STEEP1: variants seen among roughly 807,000 people sequenced by gnomAD.
The protein encoded by STEEP1 is STING1 ER exit protein 1, also known as STING ER exit protein.
In STEEP1, 3 loss-of-function variants were observed where a neutral mutation model predicts 19.2. The observed-to-expected ratio is 0.16, with a 90% CI of 0.07 to 0.40. STEEP1 has a LOEUF of 0.40. Among genes scored for constraint, STEEP1 ranks in the 10% least tolerant of loss-of-function variants. STEEP1 has a pLI of 0.99. For synonymous variants in STEEP1, 46 were observed against 63.7 expected (o/e 0.72, Z 1.32); for missense variants, 54 against 177.1 (o/e 0.30, Z 3.94).
rs750223468 is a variant in STEEP1, at chrX:119,540,410, A to C, written c.607-621T>G. 7.8e-4 allele frequency among the ~76,000 whole-genome samples: 87 copies of C among 111,762 alleles called. 1 individual carries two copies. The highest frequency in any genetic ancestry group is 2.8e-3 in the African/African-American group (86 of 30,831). ...TGTTCTAAACGACTATGGCAAGGTA[A>C]AGCAGCTCCCAGGACCCACCACTTC... On this transcript the variant is annotated intron_variant, in intron 6 of 6. Coordinates refer to ENST00000644802, the MANE Select transcript of STEEP1 (RefSeq NM_022101.4).
intron 2 of STEEP1, among the ~76,000 whole-genome samples, chrX:119,556,217 T>A (rs2147356259): frequency 9.0e-6 from 1 of 110,853 alleles, no homozygotes; most frequent in East Asian, 2.8e-4. Flanking sequence ...CAAAGCTAAG[T>A]CATATTCAGA....
At chrX:119,565,052 CA>C in intron 1 of STEEP1, 179 bp downstream of exon 1, 2 of 607,632 alleles carry the variant, frequency 3.3e-6, no homozygotes, top group East Asian at 4.0e-5. Context: ...AAACAAAAAG[CA>C]GGAAAAAAAA....
intron 1 of STEEP1, among the ~76,000 whole-genome samples, chrX:119,563,763 A>C (rs773339715): frequency 9.0e-6 from 1 of 111,159 alleles, no homozygotes; most frequent in East Asian, 2.8e-4. Flanking sequence ...TCCTGCATAC[A>C]TTTTCACGAA....
intron 2 of STEEP1, among the ~76,000 whole-genome samples, chrX:119,557,142 C>T (rs764479392): frequency 1.0e-4 from 7 of 70,031 alleles, no homozygotes; most frequent in South Asian, 1.0e-3. Flanking sequence ...GGTGACAGAG[C>T]GAGACTCTAT....
chrX:119,547,192 A>G (rs1414213229), intron 2 of STEEP1, among the ~76,000 whole-genome samples: 3 of 112,033 alleles, frequency 2.7e-5, no homozygotes, highest in Non-Finnish European at 5.6e-5. Flanking sequence ...TTAAATATAT[A>G]TATATATTCC....
At chrX:119,559,862 G>A (rs929336990) in intron 2 of STEEP1, among the ~76,000 whole-genome samples, 7 of 105,655 alleles carry the variant, frequency 6.6e-5, no homozygotes, top group East Asian at 3.0e-4. Flanking sequence ...CAGCCTGGCC[G>A]ACATGGTGAA....
At chrX:119,565,135 T>C (rs1389978051) in intron 1 of STEEP1, 97 bp downstream of exon 1, 46 of 1,105,421 alleles carry the variant, frequency 4.2e-5, no homozygotes, top group Non-Finnish European at 5.5e-5. Flanking sequence ...CAATCTTCGT[T>C]GAGAAGTGGC....
At chrX:119,564,846 G>GT in intron 1 of STEEP1, among the ~76,000 whole-genome samples, 1 of 111,388 alleles carries the variant, frequency 9.0e-6, no homozygotes, top group Middle Eastern at 4.6e-3. Flanking sequence ...TCGAGGGAGG[G>GT]TTTTATTTTC....
At chrX:119,562,848 T>C (rs2053329842) in intron 1 of STEEP1, among the ~76,000 whole-genome samples, 1 of 111,862 alleles carries the variant, frequency 8.9e-6, no homozygotes, top group Admixed American at 9.6e-5. Flanking sequence ...TTAGATAAGG[T>C]AATCAGGGAA....
intron 2 of STEEP1, among the ~76,000 whole-genome samples, chrX:119,546,936 G>T (rs2053210255): frequency 9.0e-6 from 1 of 110,797 alleles, no homozygotes; most frequent in Non-Finnish European, 1.9e-5. Context: ...CTTTGTAATA[G>T]GCAATATATG....
chrX:119,565,134 T>C, intron 1 of STEEP1, 98 bp downstream of exon 1: 1 of 1,107,236 alleles, frequency 9.0e-7, no homozygotes, highest in East Asian at 3.2e-5. Flanking sequence ...CCAATCTTCG[T>C]TGAGAAGTGG....
In STEEP1 at chrX:119,560,392, G is replaced by C. The variant is rs370307624; in HGVS notation, c.125-7C>G. 8 of 1,147,518 alleles carry C rather than the reference G, an allele frequency of 7.0e-6. No individual in the cohort carries two copies. The highest frequency in any genetic ancestry group is 9.5e-6 in the Non-Finnish European group (8 of 838,253). The allele number at this position is 1,147,518 out of a possible 1,213,427, so 94.6% of individuals were successfully genotyped here. On this transcript the variant is annotated splice_region_variant and splice_polypyrimidine_tract_variant and intron_variant, in intron 1 of 6. Transcript: ENST00000644802. ...AATTTCTCTAACTGGCAGTCTGAAG[G>C]AATGGAGAGATTTGGTCACTAGAGT...
rs142788559 is a variant in STEEP1 at position 119,547,964 on chromosome X, C to G, written c.243-2460G>C. ...AGGCGGGCAGATTACTTGAGGCCAGCAGTTCAAGACCAGCCTGGCCAACAT... is the reference window on the plus strand; with the variant it reads ...AGGCGGGCAGATTACTTGAGGCCAGGAGTTCAAGACCAGCCTGGCCAACAT... On this transcript the variant is annotated intron_variant, in intron 2 of 6. Transcript: ENST00000644802. 5.4e-3 allele frequency among the ~76,000 whole-genome samples: 590 copies of G among 109,198 alleles called. 5 individuals carry two copies. Among genetic ancestry groups the G allele is most frequent in the African/African-American group, 0.017 (525 of 30,009 alleles). 94.8% of individuals were successfully genotyped at this position (109,198 alleles called of 115,157 possible). A position where few individuals can be genotyped will look rare whatever the true frequency, so the allele number is the denominator to read the frequency against.
chrX:119,564,928 G>C (rs747301089), intron 1 of STEEP1, among the ~76,000 whole-genome samples: 4 of 111,621 alleles, frequency 3.6e-5, no homozygotes, highest in Non-Finnish European at 7.5e-5. Flanking sequence ...TCTAGAGGCA[G>C]TAGTTTTTGA....
chrX:119,551,351 GTGCCTGTAA>G (rs2053240099), intron 2 of STEEP1, among the ~76,000 whole-genome samples: 1 of 109,582 alleles, frequency 9.1e-6, no homozygotes, highest in South Asian at 4.0e-4. Context: ...ATGGTGGTAC[GTGCCTGTAA>G]TCCCAGCTAC....
intron 2 of STEEP1, among the ~76,000 whole-genome samples, chrX:119,557,723 A>G (rs1004595201): frequency 1.2e-4 from 13 of 110,176 alleles, no homozygotes; most frequent in Admixed American, 9.8e-4. Flanking sequence ...TGCATTTACA[A>G]TACAAGCCAA....
At chrX:119,540,147 C>G (rs2053153033) in intron 6 of STEEP1, among the ~76,000 whole-genome samples, 1 of 111,653 alleles carries the variant, frequency 9.0e-6, no homozygotes, top group African/African-American at 3.3e-5. Context: ...TACAACAGTG[C>G]TACTTAAAGT....
Position 119,541,230 on chromosome X carries a change from C to A in STEEP1, c.606+98G>T, listed in dbSNP as rs1376696841. The A allele has an allele frequency of 3.4e-5, 19 of 560,110 alleles. 1 individual carries two copies. 46.2% of individuals were successfully genotyped at this position (560,110 alleles called of 1,213,427 possible). Reference sequence around the variant, plus strand: ...AGCCAACTACTCTAAAACCTCCCAACAGATTTCCTAAAAGATTTCCCTGCC... The same window carrying A: ...AGCCAACTACTCTAAAACCTCCCAAAAGATTTCCTAAAAGATTTCCCTGCC... On this transcript the variant is annotated intron_variant, in intron 6 of 6. Transcript: ENST00000644802.
intron 2 of STEEP1, among the ~76,000 whole-genome samples, chrX:119,559,590 C>T (rs909185854): frequency 1.8e-5 from 2 of 111,227 alleles, no homozygotes; most frequent in African/African-American, 6.5e-5. Flanking sequence ...CAATAGGAGT[C>T]ATTCCCTCAA....
Sources: gnomAD v4.1 joint callset for allele counts (sites outside exome capture counted in the v4.1 genomes callset) on GRCh38, gnomAD v4.1.1 for gene constraint, MANE v1.5 for transcripts, NCBI Gene and HGNC (gene_info 2026-07-23, HGNC 2026-07-21) for gene names.